Variants in CEP290 observed in about 807,000 individuals in gnomAD.
CEP290 encodes centrosomal protein 290, also known as centrosomal protein of 290 kDa.
In CEP290, 317 loss-of-function variants were observed where a neutral mutation model predicts 344.9. That is an observed-to-expected ratio of 0.92 (90% CI 0.84 to 1.01). The LOEUF (loss-of-function observed/expected upper bound fraction) is 1.01. Ranked by LOEUF, CEP290 falls within the 50% of genes least tolerant of loss-of-function variation. The pLI is 0.00. For synonymous variants in CEP290, 932 were observed against 895.8 expected (o/e 1.04, Z -0.72); for missense variants, 2,754 against 2,761.4 (o/e 1.00, Z 0.06).
At chr12:88,050,187 CTAATA>C (rs1434649974) in intron 53 of CEP290, 162 bp downstream of exon 53, 6 of 500,498 alleles carry the variant, frequency 1.2e-5, no homozygotes, top group African/African-American at 4.1e-5. Context: ...TTTGTTAACT[CTAATA>C]TGTTAGGAAT....
In CEP290 at chr12:88,092,758, C is replaced by T. The variant is rs764254823; in HGVS notation, c.3384G>A (p.Lys1128=). The T allele has an allele frequency of 1.2e-6, 2 of 1,610,064 alleles. No homozygotes were observed. The highest frequency in any genetic ancestry group is 2.2e-5 in the East Asian group (1 of 44,542). ...LRDELADSVS[K]AVSDADRQRI... ...GTTGCCTATCAGCATCACTTACTGC[C>T]TTGCTCACACTATCAGCTAATTCAT... Residue 1128 remains lysine (K), a synonymous_variant, in exon 29 of 54, where the codon AAG becomes AAA. Coordinates refer to ENST00000552810, the MANE Select transcript of CEP290 (RefSeq NM_025114.4).
At chr12:88,141,400 T>G (rs528322852) in intron 1 of CEP290, 66 bp from the exon 2 acceptor site, 1 of 739,932 alleles carries the variant, frequency 1.4e-6, no homozygotes, top group Admixed American at 3.7e-5. Flanking sequence ...TCTAGCACCT[T>G]ACATTTTTTG....
chr12:88,057,773 C>T (rs2136687249), intron 49 of CEP290: 1 of 152,338 alleles, frequency 6.6e-6, no homozygotes, highest in East Asian at 1.9e-4. Context: ...GAGGCAAGTA[C>T]AGTGCAGCAG....
intron 20 of CEP290, among the ~76,000 whole-genome samples, chr12:88,113,895 C>T (rs1053834097): frequency 8.6e-5 from 13 of 151,984 alleles, no homozygotes; most frequent in African/African-American, 3.1e-4. Context: ...AAAAAAACTA[C>T]CTAGATGTTC....
intron 23 of CEP290, 101 bp from the exon 24 acceptor site, chr12:88,107,199 CAA>C: frequency 1.5e-6 from 1 of 658,698 alleles, no homozygotes; most frequent in South Asian, 2.4e-5. Context: ...TTTCTCAACA[CAA>C]GAGGTATCAT....
In CEP290 at chr12:88,062,734, T is replaced by C. The variant is rs531303992; in HGVS notation, c.6315A>G (p.Lys2105=). Residue 2105 remains lysine, a synonymous_variant, in exon 46 of 54, where the codon AAA becomes AAG. Transcript: ENST00000552810. ...DLKEMCEFLK[K]EKAEVQRKLG... ...GTTTCCGCTGAACTTCTGCTTTTTC[T>C]TTCTTAAGAAATTCACACATTTCCT... is the stretch of plus-strand genomic sequence containing the variant. 1.4e-5 allele frequency: 22 copies of C among 1,600,456 alleles called. No individual in the cohort carries two copies. The highest frequency in any genetic ancestry group is 1.8e-5 in the Non-Finnish European group (21 of 1,172,656).
chr12:88,075,413 T>C (rs1357114817), intron 41 of CEP290, among the ~76,000 whole-genome samples: 1 of 152,138 alleles, frequency 6.6e-6, no homozygotes, highest in Admixed American at 6.5e-5. Context: ...TATTATAACA[T>C]TTAAAAATTT....
At chr12:88,099,245 G>C (rs1465791555) in intron 26 of CEP290, among the ~76,000 whole-genome samples, 2 of 152,100 alleles carry the variant, frequency 1.3e-5, no homozygotes, top group Non-Finnish European at 2.9e-5. Flanking sequence ...TAACTCTAAA[G>C]TATCTGCCTT....
intron 40 of CEP290, 44 bp downstream of exon 40, chr12:88,077,653 C>T: frequency 3.5e-6 from 4 of 1,135,912 alleles, no homozygotes; most frequent in Non-Finnish European, 5.1e-6. Flanking sequence ...ACTACTACCT[C>T]TATATTGTAA....
chr12:88,121,034 A>G lies in CEP290; in HGVS notation c.1322T>C (p.Leu441Ser), dbSNP rs2039365604. 1.2e-6 allele frequency: 2 copies of G among 1,613,304 alleles called. No homozygotes were observed. Among genetic ancestry groups the G allele is most frequent in the East Asian group, 4.5e-5 (2 of 44,858 alleles). Residue 441 changes from leucine to serine, a missense_variant, in exon 14 of 54, where the codon TTA becomes TCA. Transcript: ENST00000552810. ...TTTTAACCTCTTCAGAGCCTCAACT[A>G]ATTCTTTATCCTTTTCCCTAGCATC... ...EADAREKDKE[L>S]VEALKRLKDY...
At position 88,111,387 on chromosome 12, in the gene CEP290, C is replaced by T; in HGVS notation, c.2218-36G>A. Reference sequence around the variant, plus strand: ...AAATCCAGCAATGAGAATCACAACTCTTACACCCAAAGAAAGACAAATTGA... The same window carrying T: ...AAATCCAGCAATGAGAATCACAACTTTTACACCCAAAGAAAGACAAATTGA... On this transcript the variant is annotated intron_variant, in intron 21 of 53. Transcript: ENST00000552810. 5 of 1,542,400 alleles carry T rather than the reference C, an allele frequency of 3.2e-6. No homozygotes were observed. The South Asian group carries it at 3.8e-5, about 12-fold the overall frequency.
intron 6 of CEP290, among the ~76,000 whole-genome samples, chr12:88,132,319 T>C (rs759176598): frequency 3.9e-5 from 6 of 152,154 alleles, no homozygotes; most frequent in Non-Finnish European, 5.9e-5. Context: ...TACAACGATA[T>C]TTAAAAAGTC....
At position 88,141,287 on chromosome 12, in the gene CEP290, C is replaced by A. The variant is rs62635288; in HGVS notation, c.21G>T (p.Trp7Cys). 1 of 1,610,852 alleles carries A rather than the reference C, an allele frequency of 6.2e-7. No individual in the cohort carries two copies. The highest frequency in any genetic ancestry group is 8.5e-7 in the Non-Finnish European group (1 of 1,178,728). Reference protein sequence around the residue: MPPNINWKEIMKVDPDD... With the variant: MPPNINCKEIMKVDPDD... The stretch of plus-strand genomic sequence containing the variant: ...CTGGGTCAACTTTCATTATTTCTTT[C>A]CAGTTTATATTAGGTGGCATCTTGA... Residue 7 changes from tryptophan to cysteine, a missense_variant, in exon 2 of 54, where the codon TGG becomes TGT. Coordinates refer to ENST00000552810, the MANE Select transcript of CEP290 (RefSeq NM_025114.4).
chr12:88,115,779 A>C, intron 18 of CEP290: 3 of 981,074 alleles, frequency 3.1e-6, no homozygotes, highest in Non-Finnish European at 3.6e-6. Flanking sequence ...AGATCTAAGA[A>C]ATACTAGCTC....
intron 52 of CEP290, among the ~76,000 whole-genome samples, chr12:88,053,246 G>A (rs556945089): frequency 3.1e-4 from 47 of 152,140 alleles, no homozygotes; most frequent in Non-Finnish European, 6.2e-4. Context: ...GGAGCAGAAA[G>A]ATTTTCTTTT....
intron 34 of CEP290, among the ~76,000 whole-genome samples, chr12:88,085,324 A>G (rs1238647671): frequency 6.6e-6 from 1 of 152,142 alleles, no homozygotes; most frequent in Admixed American, 6.5e-5. Flanking sequence ...CAAAGAGAAA[A>G]AAACAGAAAA....
At chr12:88,094,230 T>C (rs1297201876) in intron 27 of CEP290, among the ~76,000 whole-genome samples, 2 of 152,016 alleles carry the variant, frequency 1.3e-5, no homozygotes, top group African/African-American at 4.8e-5. Context: ...CCTCACAGAA[T>C]TGTGGAACTA....
chr12:88,116,203 G>A (rs1233337279), intron 18 of CEP290: 1 of 242,972 alleles, frequency 4.1e-6, no homozygotes, highest in African/African-American at 2.3e-5. Flanking sequence ...TCAGAAAAAA[G>A]GCATATGTCA....
intron 34 of CEP290, among the ~76,000 whole-genome samples, chr12:88,085,287 G>A (rs550287473): frequency 4.3e-4 from 65 of 151,776 alleles, no homozygotes; most frequent in African/African-American, 1.4e-3. Flanking sequence ...AATAAATTAC[G>A]AATATAAAAT....
Sources: gnomAD v4.1 joint callset for allele counts (sites outside exome capture counted in the v4.1 genomes callset) on GRCh38, gnomAD v4.1.1 for gene constraint, MANE v1.5 for transcripts, NCBI Gene and HGNC (gene_info 2026-07-23, HGNC 2026-07-21) for gene names.